The following GOLGA7 variants were observed in gnomAD, a reference collection of about 807,000 sequenced individuals.
GOLGA7 encodes the protein golgin A7.
A neutral mutation model predicts 21.1 loss-of-function variants in GOLGA7; 10 were observed. The observed-to-expected ratio is 0.47, with a 90% CI of 0.29 to 0.80. The LOEUF (loss-of-function observed/expected upper bound fraction) is 0.80, where lower values mean the gene tolerates loss of function less well. GOLGA7 is among the 30% of genes least tolerant of loss of function. The pLI is 0.08. For synonymous variants in GOLGA7, 64 were observed against 62.6 expected, an observed-to-expected ratio of 1.02 and a Z score of -0.10; for missense variants, 114 against 166.8, an observed-to-expected ratio of 0.68 and a Z score of 1.74.
chr8:41,490,521 A>C, upstream of GOLGA7: 1 of 297,366 alleles, frequency 3.4e-6, no homozygotes, highest in Non-Finnish European at 6.4e-6. Flanking sequence ...GACCTGAGGT[A>C]GGAGGCCGAG....
At chr8:41,496,803 G>GGT (rs1806025177) in intron 1 of GOLGA7, among the ~76,000 whole-genome samples, 1 of 64,520 alleles carries the variant, frequency 1.5e-5, no homozygotes, top group Non-Finnish European at 3.0e-5. Context: ...TCAGTTTATT[G>GGT]CTTTTTTTTT....
chr8:41,496,159 AAAGTGTGT>A (rs1288966331), intron 1 of GOLGA7, among the ~76,000 whole-genome samples: 1 of 152,188 alleles, frequency 6.6e-6, no homozygotes, highest in Non-Finnish European at 1.5e-5. Context: ...TTTATGAGAC[AAAGTGTGT>A]GTACACTGAA....
At chr8:41,500,866 T>C (rs1806133945) in intron 2 of GOLGA7, among the ~76,000 whole-genome samples, 1 of 151,878 alleles carries the variant, frequency 6.6e-6, no homozygotes, top group Non-Finnish European at 1.5e-5. Flanking sequence ...GCAGGGGAGG[T>C]GCAAAGAGGT....
rs1345688708 is a variant in GOLGA7 at position 41,510,301 on chromosome 8, T to A, written c.*733T>A. 2 of 152,670 alleles carry A rather than the reference T, an allele frequency of 1.3e-5. No individual in the cohort carries two copies. The highest frequency in any genetic ancestry group is 2.9e-5 in the Non-Finnish European group (2 of 68,042). 9.5% of individuals were successfully genotyped at this position (152,670 alleles called of 1,614,324 possible). A position where few individuals can be genotyped will look rare whatever the true frequency, so the allele number is the denominator to read the frequency against. On this transcript the variant is annotated 3_prime_UTR_variant, in exon 5 of 5. Coordinates refer to ENST00000357743, the MANE Select transcript of GOLGA7 (RefSeq NM_001002296.2). ...AATGTTGGAAAGATATGATACGTGC[T>A]GCTTGTTCATCACAAAAATCAGTAA... is the stretch of plus-strand genomic sequence containing the variant.
At position 41,506,013 on chromosome 8, in the gene GOLGA7, G is replaced by A. The variant is rs144419548; in HGVS notation, c.366+1G>A. On this transcript the variant is annotated splice_donor_variant, in intron 3 of 4. Transcript: ENST00000357743. LOFTEE classifies it high-confidence loss of function. ...CCCTATTGAGCGAGGACTGCGAGTT[G>A]TATCTTTTTAGTTCGGATCAGAAAG... is the stretch of plus-strand genomic sequence containing the variant. 11 of 1,454,980 alleles carry A rather than the reference G, an allele frequency of 7.6e-6. No homozygotes were observed. Among genetic ancestry groups the A allele is most frequent in the Non-Finnish European group, 1.1e-5 (11 of 1,044,510 alleles). 90.1% of individuals were successfully genotyped at this position (1,454,980 alleles called of 1,614,324 possible).
At chr8:41,503,287 A>C (rs1219459504) in intron 2 of GOLGA7, among the ~76,000 whole-genome samples, 2 of 143,844 alleles carry the variant, frequency 1.4e-5, no homozygotes, top group Non-Finnish European at 3.0e-5. Context: ...AATTTGTTTG[A>C]GTTCATTGTA....
At position 41,490,886 on chromosome 8, in the gene GOLGA7, A is replaced by G. The variant is rs200358828; in HGVS notation, c.32A>G (p.Lys11Arg). 2.2e-4 allele frequency: 350 copies of G among 1,602,900 alleles called. No individual in the cohort carries two copies. Among genetic ancestry groups the G allele is most frequent in the Non-Finnish European group, 2.9e-4 (342 of 1,174,464 alleles). Residue 11 changes from lysine (K) to arginine (R), a missense_variant, in exon 1 of 5, where the codon AAG becomes AGG. Transcript: ENST00000357743. ...CCGCAGCAGGCGCCGGTGTCCGGAA[A>G]GGTGTTCATTCAGCGAGACTACAGC... MRPQQAPVSG[K>R]VFIQRDYSSG...
chr8:41,491,022 C>A, intron 1 of GOLGA7, 57 bp downstream of exon 1: 1 of 1,025,130 alleles, frequency 9.8e-7, no homozygotes, highest in Non-Finnish European at 1.5e-6. Context: ...TCACCGGGGA[C>A]GGGAAGGGTG....
intron 3 of GOLGA7, among the ~76,000 whole-genome samples, chr8:41,506,297 G>A (rs1806286259): frequency 6.6e-6 from 1 of 152,074 alleles, no homozygotes; most frequent in Admixed American, 6.6e-5. Flanking sequence ...GGGGTGGTTT[G>A]AGTAATGCAT....
intron 2 of GOLGA7, among the ~76,000 whole-genome samples, chr8:41,499,780 G>C (rs1806107277): frequency 6.6e-6 from 1 of 152,146 alleles, no homozygotes; most frequent in African/African-American, 2.4e-5. Flanking sequence ...GCAGCATTTG[G>C]GCAGGAAAAC....
At chr8:41,500,948 G>T (rs192895723) in intron 2 of GOLGA7, among the ~76,000 whole-genome samples, 9 of 152,296 alleles carry the variant, frequency 5.9e-5, no homozygotes, top group African/African-American at 2.2e-4. Flanking sequence ...ATTCACATAG[G>T]TAGAAACTTT....
chr8:41,501,542 C>T (rs1157080188), intron 2 of GOLGA7, among the ~76,000 whole-genome samples: 3 of 152,082 alleles, frequency 2.0e-5, no homozygotes, highest in African/African-American at 7.2e-5. Flanking sequence ...CTGCACCCAG[C>T]ACTCAGCCTT....
rs1806390241 is a variant in GOLGA7, at chr8:41,510,266, C to T, written c.*698C>T. On this transcript the variant is annotated 3_prime_UTR_variant, in exon 5 of 5. Transcript: ENST00000357743. ...TTTGGAGAATTTTATGTCATTGTTC[C>T]ATTACCTTGAATGTTGGAAAGATAT... 1 of 152,504 alleles carries T rather than the reference C, an allele frequency of 6.6e-6. No individual in the cohort carries two copies. Among genetic ancestry groups the T allele is most frequent in the African/African-American group, 2.4e-5 (1 of 41,388 alleles). The allele number at this position is 152,504 out of a possible 1,614,324, so 9.4% of individuals were successfully genotyped here. A position where few individuals can be genotyped will look rare whatever the true frequency, so the allele number is the denominator to read the frequency against.
At chr8:41,494,413 A>G (rs984462603) in intron 1 of GOLGA7, among the ~76,000 whole-genome samples, 2 of 152,242 alleles carry the variant, frequency 1.3e-5, no homozygotes, top group African/African-American at 2.4e-5. Flanking sequence ...TTTGAATTGT[A>G]TTGTAAAGAA....
Position 41,490,752 on chromosome 8 carries a change from G to T in GOLGA7, c.-103G>T. 1.5e-6 allele frequency: 1 copy of T among 667,750 alleles called. No individual in the cohort carries two copies. The highest frequency in any genetic ancestry group is 2.7e-6 in the Non-Finnish European group (1 of 370,762). The allele number at this position is 667,750 out of a possible 1,614,324, so 41.4% of individuals were successfully genotyped here. On this transcript the variant is annotated 5_prime_UTR_variant, in exon 1 of 5. Coordinates refer to ENST00000357743, the MANE Select transcript of GOLGA7 (RefSeq NM_001002296.2). ...CCTTGGGCTGTTTTCGGCGGCGGGTGGGGGCGAGGGGCTGGCGGGTCAGAG... is the reference window on the plus strand; with the variant it reads ...CCTTGGGCTGTTTTCGGCGGCGGGTTGGGGCGAGGGGCTGGCGGGTCAGAG...
chr8:41,490,507 C>T (rs138531619), upstream of GOLGA7: 15 of 280,146 alleles, frequency 5.4e-5, no homozygotes, highest in East Asian at 1.5e-3. Flanking sequence ...GAGGGTGGGT[C>T]CCAGACCTGA....
chr8:41,498,311 A>G (rs1390196329), intron 2 of GOLGA7, among the ~76,000 whole-genome samples: 1 of 152,122 alleles, frequency 6.6e-6, no homozygotes, highest in African/African-American at 2.4e-5. Context: ...GCTTTTCTAA[A>G]CTATCTGCTG....
At chr8:41,491,007 G>C (rs1271091154) in intron 1 of GOLGA7, 42 bp downstream of exon 1, 1 of 1,139,020 alleles carries the variant, frequency 8.8e-7, no homozygotes, top group South Asian at 1.3e-5. Flanking sequence ...GCGAGGGAGA[G>C]AGACTCACCG....
chr8:41,499,325 A>G (rs985476932), intron 2 of GOLGA7, among the ~76,000 whole-genome samples: 6 of 152,176 alleles, frequency 3.9e-5, no homozygotes, highest in African/African-American at 1.4e-4. Context: ...AGCCATCCAT[A>G]GGCGGCTTGT....
Sources: gnomAD v4.1 joint callset for allele counts (sites outside exome capture counted in the v4.1 genomes callset) on GRCh38, gnomAD v4.1.1 for gene constraint, MANE v1.5 for transcripts, NCBI Gene and HGNC (gene_info 2026-07-23, HGNC 2026-07-21) for gene names.